The following PRR30 variants were observed in gnomAD, a reference collection of about 807,000 sequenced individuals.
PRR30 encodes the protein proline rich 30.
For missense variants in PRR30, 546 were observed against 525.3 expected (o/e 1.04, Z -0.39); for synonymous variants, 229 against 222.7 (o/e 1.03, Z -0.25).
In PRR30 at chr2:27,138,198, G is replaced by T; in HGVS notation, c.132C>A (p.Leu44=). The T allele has an allele frequency of 6.2e-7, 1 of 1,613,898 alleles. No individual in the cohort carries two copies. Among genetic ancestry groups the T allele is most frequent in the Middle Eastern group, 1.7e-4 (1 of 6,058 alleles). ...NLQPLSPHQG[L]PPSQPPFSST... ...AAGAGAACGGTGGTTGAGAGGGAGG[G>T]AGGCCCTGATGGGGAGAGAGAGGCT... The change falls in exon 3 of 3, where the codon CTC becomes CTA. Residue 44 remains leucine, a synonymous_variant. Transcript: ENST00000335524.
In PRR30 at chr2:27,137,475, C is replaced by T. The variant is rs1214401145; in HGVS notation, c.855G>A (p.Gln285=). 2 of 1,609,992 alleles carry T rather than the reference C, an allele frequency of 1.2e-6. No individual in the cohort carries two copies. The highest frequency in any genetic ancestry group is 1.1e-5 in the South Asian group (1 of 90,808). ...TCCGGAGTGGCCCAGATTCCTGGCCCTGCACACAGGGCAGTAGTTGAGGGA... is the reference window on the plus strand; with the variant it reads ...TCCGGAGTGGCCCAGATTCCTGGCCTTGCACACAGGGCAGTAGTTGAGGGA... The part of the protein sequence containing the change: ...LAFPQLLPCV[Q]GQESGPLRIG... The change falls in exon 3 of 3, where the codon CAG becomes CAA. Residue 285 remains glutamine (Q), a synonymous_variant. Transcript: ENST00000335524. The surrounding 1 kb of genome is among the most constrained non-coding windows in gnomAD (Gnocchi z 4.3).
At position 27,137,082 on chromosome 2, in the gene PRR30, G is replaced by A; in HGVS notation, c.*9C>T. ...GGGGGTGTTCCAGGGGGCCTCCGTGGCTCTGGAACTAGACTGATGACTTTT... is the reference window on the plus strand; with the variant it reads ...GGGGGTGTTCCAGGGGGCCTCCGTGACTCTGGAACTAGACTGATGACTTTT... On this transcript the variant is annotated 3_prime_UTR_variant, in exon 3 of 3. Transcript: ENST00000335524. The surrounding 1 kb of genome is among the most constrained non-coding windows in gnomAD (Gnocchi z 4.3). 6.2e-7 allele frequency: 1 copy of A among 1,609,886 alleles called. No individual in the cohort carries two copies. Among genetic ancestry groups the A allele is most frequent in the Non-Finnish European group, 8.5e-7 (1 of 1,176,670 alleles).
Position 27,137,097 on chromosome 2 carries a change from T to C in PRR30, c.1233A>G (p.Ser411=). The C allele has an allele frequency of 1.2e-6, 2 of 1,613,866 alleles. No homozygotes were observed. Among genetic ancestry groups the C allele is most frequent in the Non-Finnish European group, 1.7e-6 (2 of 1,179,852 alleles). ...VSLELILQKS[S]V Reference sequence around the variant, plus strand: ...GGCCTCCGTGGCTCTGGAACTAGACTGATGACTTTTGGAGAATGAGCTCCA... The same window carrying C: ...GGCCTCCGTGGCTCTGGAACTAGACCGATGACTTTTGGAGAATGAGCTCCA... Residue 411 remains serine (S), a synonymous_variant, in exon 3 of 3, where the codon TCA becomes TCG. Coordinates refer to ENST00000335524, the MANE Select transcript of PRR30 (RefSeq NM_178553.4). This position sits in a 1 kb window ranked among gnomAD's most constrained non-coding sequence, Gnocchi z 4.3.
In PRR30 at chr2:27,137,701, G is replaced by A. The variant is rs2148424629; in HGVS notation, c.629C>T (p.Ala210Val). 3 of 1,613,688 alleles carry A rather than the reference G, an allele frequency of 1.9e-6. No individual in the cohort carries two copies. Among genetic ancestry groups the A allele is most frequent in the Non-Finnish European group, 2.5e-6 (3 of 1,180,002 alleles). The change falls in exon 3 of 3, where the codon GCC (alanine) becomes GTC (valine). Residue 210 changes from alanine (A) to valine (V), a missense_variant. Transcript: ENST00000335524. This position sits in a 1 kb window ranked among gnomAD's most constrained non-coding sequence, Gnocchi z 4.3. ...CTGGACCACCAGGGCCTGGGCCAGG[G>A]CCCCTGGGTCCCTGAACTGTGCAGG... Reference protein sequence around the residue: ...KDPAQFRDPGALAQALVVQLG... With the variant: ...KDPAQFRDPGVLAQALVVQLG...
rs1263944783 is a variant in PRR30 at position 27,137,970 on chromosome 2, G to T, written c.360C>A (p.Pro120=). The change falls in exon 3 of 3, where the codon CCC becomes CCA. Residue 120 remains proline, a synonymous_variant. Coordinates refer to ENST00000335524, the MANE Select transcript of PRR30 (RefSeq NM_178553.4). The surrounding 1 kb of genome is among the most constrained non-coding windows in gnomAD (Gnocchi z 4.3). ...ASSPSNHWLY[P]SPPLTPSFSP... ...AAAAGGAAGGGGTCAGAGGGGGAGAGGGGTACAGCCAGTGGTTGGAGGGAG... is the reference window on the plus strand; with the variant it reads ...AAAAGGAAGGGGTCAGAGGGGGAGATGGGTACAGCCAGTGGTTGGAGGGAG... 1 of 1,610,910 alleles carries T rather than the reference G, an allele frequency of 6.2e-7. No homozygotes were observed. The highest frequency in any genetic ancestry group is 8.5e-7 in the Non-Finnish European group (1 of 1,178,760).
chr2:27,138,070 T>C lies in PRR30; in HGVS notation c.260A>G (p.Tyr87Cys). 21 of 1,610,640 alleles carry C rather than the reference T, an allele frequency of 1.3e-5. No homozygotes were observed. The highest frequency in any genetic ancestry group is 1.8e-5 in the Non-Finnish European group (21 of 1,178,676). ...AGGGGAACTTGGGAGAGAGGGAGAATAGGGATGTGGAGCAAAGTCAGAATT... is the reference window on the plus strand; with the variant it reads ...AGGGGAACTTGGGAGAGAGGGAGAACAGGGATGTGGAGCAAAGTCAGAATT... ...DSNSDFAPHPYSPSLPSSPTF... is the reference protein window; with the variant it reads ...DSNSDFAPHPCSPSLPSSPTF... The change falls in exon 3 of 3, where the codon TAT becomes TGT. Residue 87 changes from tyrosine (Y) to cysteine (C), a missense_variant. By Grantham distance (194) the Tyr-to-Cys change is radical. Coordinates refer to ENST00000335524, the MANE Select transcript of PRR30 (RefSeq NM_178553.4).
rs758627175 is a variant in PRR30 at position 27,137,351 on chromosome 2, C to T, written c.979G>A (p.Ala327Thr). 8.1e-6 allele frequency: 13 copies of T among 1,614,080 alleles called. No homozygotes were observed. Among genetic ancestry groups the T allele is most frequent in the Non-Finnish European group, 1.7e-6 (2 of 1,180,052 alleles). Residue 327 changes from alanine to threonine, a missense_variant, in exon 3 of 3, where the codon GCT (alanine) becomes ACT (threonine). Coordinates refer to ENST00000335524, the MANE Select transcript of PRR30 (RefSeq NM_178553.4). This position sits in a 1 kb window ranked among gnomAD's most constrained non-coding sequence, Gnocchi z 4.3. Reference sequence around the variant, plus strand: ...AATTGATGCCCACAGGCCTGAGTAGCCTTGCCCTGAGGCCCTGCTTCCTTC... The same window carrying T: ...AATTGATGCCCACAGGCCTGAGTAGTCTTGCCCTGAGGCCCTGCTTCCTTC... ...RPKEAGPQGKATQACGHQLPA... is the reference protein window; with the variant it reads ...RPKEAGPQGKTTQACGHQLPA...
At position 27,138,028 on chromosome 2, in the gene PRR30, T is replaced by G. The variant is rs1572353524; in HGVS notation, c.302A>C (p.Asn101Thr). 6.2e-7 allele frequency: 1 copy of G among 1,613,588 alleles called. No individual in the cohort carries two copies. Among genetic ancestry groups the G allele is most frequent in the Non-Finnish European group, 8.5e-7 (1 of 1,179,890 alleles). The stretch of plus-strand genomic sequence containing the variant: ...ACGTGGACGGGGGAGAGAGAGGTAG[T>G]TCTGGTGAAAGAAAGTAGGGGAACT... ...LPSSPTFFHQ[N>T]YLSLPRPRAS... The change falls in exon 3 of 3, where the codon AAC (asparagine) becomes ACC (threonine). Residue 101 changes from asparagine (N) to threonine (T), a missense_variant. By Grantham distance (65) the Asn-to-Thr change is moderately conservative (BLOSUM62 0). Transcript: ENST00000335524.
rs200451312 is a variant in PRR30, at chr2:27,138,005, G to A, written c.325C>T (p.Arg109Cys). The change falls in exon 3 of 3, where the codon CGT becomes TGT. Residue 109 changes from arginine to cysteine, a missense_variant. Physicochemically the swap from Arg to Cys is radical, Grantham distance 180. Coordinates refer to ENST00000335524, the MANE Select transcript of PRR30 (RefSeq NM_178553.4). ...HQNYLSLPRP[R>C]ASSPSNHWLY... is the part of the protein sequence containing the mutation. The stretch of plus-strand genomic sequence containing the variant: ...CAGTGGTTGGAGGGAGAGGATGCAC[G>A]TGGACGGGGGAGAGAGAGGTAGTTC... 9.9e-6 allele frequency: 16 copies of A among 1,613,036 alleles called. No individual in the cohort carries two copies. In the African/African-American group the frequency reaches 1.2e-4, roughly 12 times the overall value.
In PRR30 at chr2:27,137,590, A is replaced by G; in HGVS notation, c.740T>C (p.Val247Ala). 1.2e-6 allele frequency: 2 copies of G among 1,606,396 alleles called. No homozygotes were observed. The highest frequency in any genetic ancestry group is 1.1e-5 in the South Asian group (1 of 90,326). The change falls in exon 3 of 3, where the codon GTG (valine) becomes GCG (alanine). Residue 247 changes from valine (V) to alanine (A), a missense_variant. Coordinates refer to ENST00000335524, the MANE Select transcript of PRR30 (RefSeq NM_178553.4). The surrounding 1 kb of genome is among the most constrained non-coding windows in gnomAD (Gnocchi z 4.3). ...GCACACCAGGCATATAGGATACTCC[A>G]CGACTGGGGCCTGGCCGGTTCTGCC... ...WLGRTGQAPV[V>A]EYPICLVCLR...
Position 27,137,238 on chromosome 2 carries a change from G to C in PRR30, c.1092C>G (p.Gly364=). Residue 364 remains glycine (G), a synonymous_variant, in exon 3 of 3, where the codon GGC becomes GGG. Transcript: ENST00000335524. The surrounding 1 kb of genome is among the most constrained non-coding windows in gnomAD (Gnocchi z 4.3). ...PSQTRSFRSA[G]LQSPNSPRCF... The stretch of plus-strand genomic sequence containing the variant: ...ATCGTGGGGAGTTTGGTGATTGAAG[G>C]CCTGCAGACCTGAAGCTCCTGGTCT... 6.2e-7 allele frequency: 1 copy of C among 1,614,236 alleles called. No individual in the cohort carries two copies. Among genetic ancestry groups the C allele is most frequent in the South Asian group, 1.1e-5 (1 of 91,088 alleles).
In PRR30 at chr2:27,137,269, G is replaced by C. The variant is rs1255292334; in HGVS notation, c.1061C>G (p.Pro354Arg). The C allele has an allele frequency of 1.9e-6, 3 of 1,614,104 alleles. No homozygotes were observed. The highest frequency in any genetic ancestry group is 2.2e-5 in the East Asian group (1 of 44,894). The stretch of plus-strand genomic sequence containing the variant: ...AGACCTGAAGCTCCTGGTCTGGGAG[G>C]GTGTGCCTGGGACTGGGTCGGCCCG... ...QARADPVPGT[P>R]SQTRSFRSAG... The change falls in exon 3 of 3, where the codon CCC becomes CGC. Residue 354 changes from proline to arginine, a missense_variant. By Grantham distance (103) the Pro-to-Arg change is moderately radical. Coordinates refer to ENST00000335524, the MANE Select transcript of PRR30 (RefSeq NM_178553.4). The surrounding 1 kb of genome is among the most constrained non-coding windows in gnomAD (Gnocchi z 4.3).
At position 27,137,456 on chromosome 2, in the gene PRR30, G is replaced by A; in HGVS notation, c.874C>T (p.Leu292Phe). Residue 292 changes from leucine to phenylalanine, a missense_variant, in exon 3 of 3, where the codon CTC becomes TTC. Leu to Phe is a conservative substitution (Grantham distance 22, BLOSUM62 0). Coordinates refer to ENST00000335524, the MANE Select transcript of PRR30 (RefSeq NM_178553.4). The surrounding 1 kb of genome is among the most constrained non-coding windows in gnomAD (Gnocchi z 4.3). ...PCVQGQESGP[L>F]RIGIGFGLRL... The stretch of plus-strand genomic sequence containing the variant: ...AGGCCGAAGCCGATGCCTATCCGGA[G>A]TGGCCCAGATTCCTGGCCCTGCACA... The A allele has an allele frequency of 6.2e-7, 1 of 1,612,238 alleles. No individual in the cohort carries two copies. Among genetic ancestry groups the A allele is most frequent in the Non-Finnish European group, 8.5e-7 (1 of 1,179,540 alleles).
chr2:27,138,978 A>C lies in PRR30; in HGVS notation c.-374T>G, dbSNP rs773197291. ...GTGCTGAGCGCTCTTACCAATGAGA[A>C]CTCCTCTGGGCTGTGTTTCACAGGC... On this transcript the variant is annotated 5_prime_UTR_variant, in exon 2 of 3. Coordinates refer to ENST00000335524, the MANE Select transcript of PRR30 (RefSeq NM_178553.4). The C allele has an allele frequency of 6.6e-6, 1 of 151,882 alleles. No individual in the cohort carries two copies. Among genetic ancestry groups the C allele is most frequent in the Non-Finnish European group, 1.5e-5 (1 of 68,110 alleles). 9.4% of individuals were successfully genotyped at this position (151,882 alleles called of 1,614,324 possible).
At chr2:27,138,855 G>A (rs536338534) in intron 2 of PRR30, 115 bp downstream of exon 2, 131 of 166,416 alleles carry the variant, frequency 7.9e-4, no homozygotes, top group Non-Finnish European at 1.7e-3. Flanking sequence ...TGAGAAGTGG[G>A]GAGGAGAGGA....
At position 27,138,552 on chromosome 2, in the gene PRR30, A is replaced by G. The variant is rs1261205152; in HGVS notation, c.-223T>C. The G allele has an allele frequency of 6.4e-6, 5 of 782,188 alleles. No homozygotes were observed. The highest frequency in any genetic ancestry group is 2.8e-5 in the East Asian group (1 of 35,248). The allele number at this position is 782,188 out of a possible 1,614,324, so 48.5% of individuals were successfully genotyped here. ...TCAGGGTGTTCAGGCATGAGCATGA[A>G]TCTAAGCTTGGCTTCTCACTTCTTT... On this transcript the variant is annotated 5_prime_UTR_variant, in exon 3 of 3. Transcript: ENST00000335524.
chr2:27,136,878 G>A lies in PRR30; in HGVS notation c.*213C>T, dbSNP rs1281852936. 10 of 651,444 alleles carry A rather than the reference G, an allele frequency of 1.5e-5. No individual in the cohort carries two copies. Among genetic ancestry groups the A allele is most frequent in the Middle Eastern group, 4.2e-4 (1 of 2,386 alleles). The allele number at this position is 651,444 out of a possible 1,614,324, so 40.4% of individuals were successfully genotyped here. ...CAGGGTCAGACTTTATTAGATACAC[G>A]GAGGGCTGAATGGGGCCTTGGTGCC... On this transcript the variant is annotated 3_prime_UTR_variant, in exon 3 of 3. Transcript: ENST00000335524.
In PRR30 at chr2:27,137,389, G is replaced by A; in HGVS notation, c.941C>T (p.Pro314Leu). Residue 314 changes from proline (P) to leucine (L), a missense_variant, in exon 3 of 3, where the codon CCC (proline) becomes CTC (leucine). Coordinates refer to ENST00000335524, the MANE Select transcript of PRR30 (RefSeq NM_178553.4). The surrounding 1 kb of genome is among the most constrained non-coding windows in gnomAD (Gnocchi z 4.3). ...QGQARALHLL[P>L]EKRPKEAGPQ... ...CCCTGCTTCCTTCGGCCTTTTCTCG[G>A]GCAGCAGATGCAAGGCCCTGGCCTG... The A allele has an allele frequency of 6.2e-7, 1 of 1,613,924 alleles. No homozygotes were observed. Among genetic ancestry groups the A allele is most frequent in the Non-Finnish European group, 8.5e-7 (1 of 1,180,032 alleles).
At position 27,137,041 on chromosome 2, in the gene PRR30, G is replaced by A; in HGVS notation, c.*50C>T. ...TCCCCGAGATCTGGGGCCTGGTTGG[G>A]AGGGTTGGGTTTGGAGGGGGTGTTC... On this transcript the variant is annotated 3_prime_UTR_variant, in exon 3 of 3. Coordinates refer to ENST00000335524, the MANE Select transcript of PRR30 (RefSeq NM_178553.4). The surrounding 1 kb of genome is among the most constrained non-coding windows in gnomAD (Gnocchi z 4.3). 1 of 1,584,148 alleles carries A rather than the reference G, an allele frequency of 6.3e-7. No homozygotes were observed. The highest frequency in any genetic ancestry group is 1.4e-5 in the African/African-American group (1 of 74,022).
Sources: allele counts gnomAD v4.1 joint callset, GRCh38; gene constraint gnomAD v4.1.1; non-coding constraint Gnocchi (gnomAD v3.1); transcripts MANE v1.5; gene names NCBI Gene and HGNC (gene_info 2026-07-23, HGNC 2026-07-21).